RUNX1: variants seen among roughly 807,000 people sequenced by gnomAD.
RUNX1 encodes the protein RUNX family transcription factor 1.
A neutral mutation model predicts 42.8 loss-of-function variants in RUNX1; 19 were observed. The ratio of observed to expected loss-of-function variants is 0.44; its 90% CI spans 0.31 to 0.65. The LOEUF (loss-of-function observed/expected upper bound fraction) is 0.65. Ranked by LOEUF, RUNX1 falls within the 30% of genes least tolerant of loss-of-function variation. RUNX1 has a pLI of 0.07. For synonymous variants in RUNX1, 271 were observed against 289.4 expected (o/e 0.94, Z 0.64); for missense variants, 528 against 672.0 (o/e 0.79, Z 2.37).
intron 6 of RUNX1, among the ~76,000 whole-genome samples, chr21:34,850,811 T>C (rs990370595): frequency 2.0e-5 from 3 of 151,988 alleles, no homozygotes; most frequent in Non-Finnish European, 2.9e-5. Flanking sequence ...AAAAAAAAAG[T>C]GTACCATTAT....
chr21:34,863,550 C>CTTTTTTTT (rs34743281), intron 5 of RUNX1, among the ~76,000 whole-genome samples: 9 of 109,120 alleles, frequency 8.2e-5, no homozygotes, highest in African/African-American at 2.3e-4. Flanking sequence ...TCATGCCCAT[C>CTTTTTTTT]TTTTTTTTTT....
intron 2 of RUNX1, among the ~76,000 whole-genome samples, chr21:34,973,499 C>G (rs1312472492): frequency 6.6e-6 from 1 of 152,106 alleles, no homozygotes; most frequent in African/African-American, 2.4e-5. Context: ...TTTTAAGAGG[C>G]CATTTATTTT....
chr21:34,911,137 G>A (rs1008327535), intron 2 of RUNX1, among the ~76,000 whole-genome samples: 2 of 152,170 alleles, frequency 1.3e-5, no homozygotes, highest in African/African-American at 4.8e-5. Context: ...GGCAGGACGA[G>A]CTATCCCATT....
At chr21:34,834,658 G>C (rs2057117535) in intron 6 of RUNX1, 57 bp from the exon 7 acceptor site, 2 of 1,426,710 alleles carry the variant, frequency 1.4e-6, no homozygotes, top group Non-Finnish European at 2.0e-6. Flanking sequence ...GGAGGGAAGA[G>C]ATCAGAAAAA....
intron 2 of RUNX1, among the ~76,000 whole-genome samples, chr21:35,012,552 C>T (rs368953133): frequency 1.9e-4 from 29 of 152,200 alleles, no homozygotes; most frequent in Middle Eastern, 6.8e-3. Flanking sequence ...TTAGAGGTGG[C>T]GACTCTCTCT....
rs540493217 is a variant in RUNX1 at position 35,041,849 on chromosome 21, C to A, written c.58+6993G>T. 6.6e-5 allele frequency among the ~76,000 whole-genome samples: 10 copies of A among 152,214 alleles called. No individual in the cohort carries two copies. In the East Asian group the frequency reaches 1.9e-3, roughly 29 times the overall value. On this transcript the variant is annotated intron_variant, in intron 2 of 8. Transcript: ENST00000675419. Reference sequence around the variant, plus strand: ...ATCTGGTTATCTGTTTTTCATATTTCTATCAGAGATAAAAACCTCTTTAGG... The same window carrying A: ...ATCTGGTTATCTGTTTTTCATATTTATATCAGAGATAAAAACCTCTTTAGG...
chr21:34,912,371 C>A (rs2058279374), intron 2 of RUNX1, among the ~76,000 whole-genome samples: 1 of 151,934 alleles, frequency 6.6e-6, no homozygotes, highest in African/African-American at 2.4e-5. Flanking sequence ...TTTTGCGATA[C>A]TCTTGGGTGC....
chr21:34,892,829 C>T (rs1404649481), intron 3 of RUNX1, 96 bp downstream of exon 3: 29 of 757,884 alleles, frequency 3.8e-5, no homozygotes, highest in Non-Finnish European at 9.0e-6. Context: ...TAAATTATAT[C>T]ACAAGTTATA....
intron 2 of RUNX1, among the ~76,000 whole-genome samples, chr21:34,969,982 C>T (rs1363824990): frequency 6.6e-6 from 1 of 152,208 alleles, no homozygotes; most frequent in Non-Finnish European, 1.5e-5. Context: ...TGACCATGTG[C>T]AGCCTCCATA....
At position 34,792,662 on chromosome 21, in the gene RUNX1, C is replaced by A. The variant is rs1292799679; in HGVS notation, c.968-52G>T. 6.7e-7 allele frequency: 1 copy of A among 1,489,844 alleles called. No individual in the cohort carries two copies. 92.3% of individuals were successfully genotyped at this position (1,489,844 alleles called of 1,614,324 possible). ...GGAAGTGAGTAGGAGGTTGCGGAGG[C>A]CACAGCTCTTCCCTCTGCCCCAGGG... On this transcript the variant is annotated intron_variant, in intron 8 of 8. Coordinates refer to ENST00000675419, the MANE Select transcript of RUNX1 (RefSeq NM_001754.5). The surrounding 1 kb of genome is among the most constrained non-coding windows in gnomAD (Gnocchi z 6.9).
At chr21:34,954,729 C>T (rs1028426297) in intron 2 of RUNX1, among the ~76,000 whole-genome samples, 12 of 152,116 alleles carry the variant, frequency 7.9e-5, no homozygotes, top group East Asian at 3.8e-4. Flanking sequence ...ATTACAGATG[C>T]CATAGCTACA....
At position 34,969,399 on chromosome 21, in the gene RUNX1, G is replaced by GA. The variant is rs112140241; in HGVS notation, c.59-76437dup. Among the ~76,000 whole-genome samples, 972 of 145,248 alleles carry GA rather than the reference G, an allele frequency of 6.7e-3. 7 individuals are homozygous for GA. The highest frequency in any genetic ancestry group is 0.021 in the African/African-American group (822 of 39,576). ...GCTGTCTCCTGCAGGGGCCAACAGA[G>GA]AAAAAAAAAACACAGAAAATGGGGA... is the stretch of plus-strand genomic sequence containing the variant. On this transcript the variant is annotated intron_variant, in intron 2 of 8. Coordinates refer to ENST00000675419, the MANE Select transcript of RUNX1 (RefSeq NM_001754.5).
chr21:34,960,032 G>C (rs986291423), intron 2 of RUNX1, among the ~76,000 whole-genome samples: 1 of 152,104 alleles, frequency 6.6e-6, no homozygotes, highest in Non-Finnish European at 1.5e-5. Context: ...GCTTGCACAG[G>C]GGGTCAGCGA....
intron 2 of RUNX1, among the ~76,000 whole-genome samples, chr21:34,899,258 C>A (rs2058157356): frequency 6.6e-6 from 1 of 152,106 alleles, no homozygotes; most frequent in Admixed American, 6.5e-5. Context: ...ATGTTTGTAT[C>A]CCTCCAAAAT....
chr21:34,950,194 T>C (rs2058596228), intron 2 of RUNX1, among the ~76,000 whole-genome samples: 1 of 152,220 alleles, frequency 6.6e-6, no homozygotes, highest in Non-Finnish European at 1.5e-5. Context: ...TACAGTGTTA[T>C]AGGTATAGCT....
At chr21:34,894,065 G>T (rs1363624337) in intron 2 of RUNX1, among the ~76,000 whole-genome samples, 1 of 152,122 alleles carries the variant, frequency 6.6e-6, no homozygotes, top group Admixed American at 6.5e-5. Flanking sequence ...GCAAGGCAGA[G>T]AACTAATCAT....
chr21:35,033,186 A>C (rs2059285386), intron 2 of RUNX1, among the ~76,000 whole-genome samples: 1 of 152,128 alleles, frequency 6.6e-6, no homozygotes, highest in African/African-American at 2.4e-5. Flanking sequence ...TATCCATCCA[A>C]CATTTCTTGA....
At chr21:35,042,759 T>G (rs986194956) in intron 2 of RUNX1, among the ~76,000 whole-genome samples, 2 of 152,190 alleles carry the variant, frequency 1.3e-5, no homozygotes, top group East Asian at 3.8e-4. Context: ...GACTGCTCAC[T>G]CTGGAACTCC....
intron 6 of RUNX1, among the ~76,000 whole-genome samples, chr21:34,852,272 G>A (rs1478273417): frequency 2.6e-5 from 4 of 152,096 alleles, no homozygotes; most frequent in South Asian, 2.1e-4. Flanking sequence ...CACAGGCCAC[G>A]CCAGCTCACT....
Sources: gnomAD v4.1 joint callset for allele counts (sites outside exome capture counted in the v4.1 genomes callset) on GRCh38, gnomAD v4.1.1 for gene constraint, Gnocchi (gnomAD v3.1) non-coding constraint, MANE v1.5 for transcripts, NCBI Gene and HGNC (gene_info 2026-07-23, HGNC 2026-07-21) for gene names.